Variants in RGR observed in about 807,000 individuals in gnomAD.
The protein encoded by RGR is retinal G protein coupled receptor.
In RGR, 30 loss-of-function variants were observed where a neutral mutation model predicts 28.6. That is an observed-to-expected ratio of 1.05 (90% CI 0.78 to 1.42). The LOEUF (loss-of-function observed/expected upper bound fraction) is 1.42. Among genes scored for constraint, RGR ranks in the 40% most tolerant of loss-of-function variants. The pLI, the probability that RGR is intolerant of heterozygous loss-of-function variation, is 0.00. For missense variants in RGR, 404 were observed against 375.6 expected (o/e 1.08, Z -0.62); for synonymous variants, 180 against 156.4 (o/e 1.15, Z -1.13).
intron 1 of RGR, among the ~76,000 whole-genome samples, chr10:84,246,255 G>T (rs1348089379): frequency 6.6e-6 from 1 of 151,996 alleles, no homozygotes; most frequent in Non-Finnish European, 1.5e-5. Context: ...ATAGCTTTGG[G>T]GATACAAGTG....
intron 3 of RGR, chr10:84,250,401 C>A (rs899331283): frequency 4.2e-6 from 3 of 717,328 alleles, no homozygotes; most frequent in Non-Finnish European, 5.2e-6. Context: ...ATGCTGCCAT[C>A]GGTCTCATCA....
rs1161435099 is a variant in RGR, at chr10:84,252,998, C to T, written c.500C>T (p.Ser167Phe). 6.2e-7 allele frequency: 1 copy of T among 1,613,588 alleles called. No homozygotes were observed. Among genetic ancestry groups the T allele is most frequent in the South Asian group, 1.1e-5 (1 of 91,062 alleles). ...GGGACATGCTGCACCCTGGACTACT[C>T]CAAGGGGGACAGGTGAGGTGGGAGG... is the stretch of plus-strand genomic sequence containing the variant. ...PLGTCCTLDY[S>F]KGDRNFTSFL... The change falls in exon 4 of 7, where the codon TCC (serine) becomes TTC (phenylalanine). Residue 167 changes from serine (S) to phenylalanine (F), a missense_variant. By Grantham distance (155) the Ser-to-Phe change is radical. Transcript: ENST00000652092.
chr10:84,249,747 A>G (rs899226714), intron 3 of RGR, among the ~76,000 whole-genome samples: 1 of 152,258 alleles, frequency 6.6e-6, no homozygotes, highest in Non-Finnish European at 1.5e-5. Context: ...GTAGCTGGGC[A>G]TGTGCCCTGG....
At chr10:84,245,325 G>A (rs1406761606) in intron 1 of RGR, among the ~76,000 whole-genome samples, 156 bp downstream of exon 1, 2 of 152,154 alleles carry the variant, frequency 1.3e-5, no homozygotes, top group African/African-American at 4.8e-5. Flanking sequence ...GACTCGGGGG[G>A]TGTTCTGACA....
At chr10:84,250,110 C>T (rs1487991794) in intron 3 of RGR, among the ~76,000 whole-genome samples, 1 of 152,202 alleles carries the variant, frequency 6.6e-6, no homozygotes, top group Non-Finnish European at 1.5e-5. Context: ...CTTCAGCTCA[C>T]AGCCTCGGAA....
At chr10:84,254,999 A>C (rs1412225980) in intron 5 of RGR, 1 of 165,826 alleles carries the variant, frequency 6.0e-6, no homozygotes, top group Admixed American at 5.6e-5. Context: ...TGGTTGCTCA[A>C]CTTCTGTTTC....
chr10:84,257,500 C>T (rs1033675568), intron 5 of RGR, among the ~76,000 whole-genome samples: 1 of 152,056 alleles, frequency 6.6e-6, no homozygotes, highest in Non-Finnish European at 1.5e-5. Flanking sequence ...GTTGGGAGGC[C>T]GAGGCAGGAG....
intron 2 of RGR, 176 bp downstream of exon 2, chr10:84,247,923 A>G: frequency 2.2e-6 from 2 of 927,372 alleles, no homozygotes; most frequent in East Asian, 2.6e-5. Flanking sequence ...ACGACAGCTG[A>G]TTTCTGGAAG....
rs1445886414 is a variant in RGR at position 84,258,690 on chromosome 10, TG to T, written c.*52del. The T allele has an allele frequency of 1.7e-5, 27 of 1,612,190 alleles. No homozygotes were observed. Among genetic ancestry groups the T allele is most frequent in the Non-Finnish European group, 2.2e-5 (26 of 1,179,398 alleles). On this transcript the variant is annotated 3_prime_UTR_variant, in exon 7 of 7. Coordinates refer to ENST00000652092, the MANE Select transcript of RGR (RefSeq NM_001012720.2). The stretch of plus-strand genomic sequence containing the variant: ...GGCCAGGAGGCTGTTCCAGGAGTCC[TG>T]CCCAGCAGCCTCAGTGGCCAAGCCC...
intron 5 of RGR, chr10:84,255,580 C>T (rs561360661): frequency 1.3e-5 from 2 of 152,308 alleles, no homozygotes; most frequent in Non-Finnish European, 2.9e-5. Context: ...TTACTATTCC[C>T]TTGCCACGGT....
At chr10:84,253,482 A>G (rs1842845227) in intron 4 of RGR, among the ~76,000 whole-genome samples, 1 of 152,164 alleles carries the variant, frequency 6.6e-6, no homozygotes. Flanking sequence ...ATAGGACAGA[A>G]TGCATGAGGG....
At chr10:84,250,659 G>C in intron 3 of RGR, 1 of 543,878 alleles carries the variant, frequency 1.8e-6, no homozygotes, top group Admixed American at 3.0e-5. Flanking sequence ...GAGCATGGCA[G>C]AGCAGTGTGA....
In RGR at chr10:84,247,671, C is replaced by G. The variant is rs756805886; in HGVS notation, c.160C>G (p.Leu54Val). ...TPELRTPCHL[L>V]VLSLALADSG... The stretch of plus-strand genomic sequence containing the variant: ...GGAGCTGCGGACTCCCTGCCACCTA[C>G]TGGTGCTGAGCTTGGCTCTTGCGGA... Residue 54 changes from leucine (L) to valine (V), a missense_variant, in exon 2 of 7, where the codon CTG (leucine) becomes GTG (valine). By Grantham distance (32) the Leu-to-Val change is conservative. Transcript: ENST00000652092. 1 of 1,614,232 alleles carries G rather than the reference C, an allele frequency of 6.2e-7. No individual in the cohort carries two copies. Among genetic ancestry groups the G allele is most frequent in the Non-Finnish European group, 8.5e-7 (1 of 1,180,044 alleles).
intron 3 of RGR, among the ~76,000 whole-genome samples, chr10:84,249,345 C>T (rs1321722214): frequency 1.3e-5 from 2 of 152,140 alleles, no homozygotes; most frequent in Non-Finnish European, 2.9e-5. Flanking sequence ...GACGGAATCG[C>T]TCTATTGCCC....
Position 84,247,573 on chromosome 10 carries a change from C to T in RGR, c.80-18C>T, listed in dbSNP as rs1288071711. On this transcript the variant is annotated intron_variant, in intron 1 of 6. Coordinates refer to ENST00000652092, the MANE Select transcript of RGR (RefSeq NM_001012720.2). ...GGGCCTCAGCAGCCCCAATGCCAGC[C>T]CCCACCCTTCCTTTCAGCTCTCTCC... 1 of 1,614,050 alleles carries T rather than the reference C, an allele frequency of 6.2e-7. No individual in the cohort carries two copies. Among genetic ancestry groups the T allele is most frequent in the Non-Finnish European group, 8.5e-7 (1 of 1,180,028 alleles).
At chr10:84,245,260 T>C (rs771846304) in intron 1 of RGR, 91 bp downstream of exon 1, 125 of 1,296,904 alleles carry the variant, frequency 9.6e-5, no homozygotes, top group Non-Finnish European at 1.2e-4. Flanking sequence ...AGAGGAGAGG[T>C]CCCCAAACCC....
intron 3 of RGR, among the ~76,000 whole-genome samples, chr10:84,249,500 A>C (rs113457374): frequency 6.6e-6 from 1 of 152,082 alleles, no homozygotes; most frequent in African/African-American, 2.4e-5. Context: ...TTTAGTAGAG[A>C]TGGGGTTTCA....
At chr10:84,248,248 T>C (rs1842772430) in intron 2 of RGR, 1 of 1,188,674 alleles carries the variant, frequency 8.4e-7, no homozygotes, top group Non-Finnish European at 1.1e-6. Flanking sequence ...ACCGATGCAG[T>C]GTGGAGAGGA....
chr10:84,247,067 G>A (rs528055740), intron 1 of RGR, among the ~76,000 whole-genome samples: 20 of 152,280 alleles, frequency 1.3e-4, no homozygotes, highest in African/African-American at 4.6e-4. Context: ...AGCAGCAAGC[G>A]AGGCAACCAA....
Sources: allele counts gnomAD v4.1 joint callset (sites outside exome capture counted in the v4.1 genomes callset), GRCh38; gene constraint gnomAD v4.1.1; transcripts MANE v1.5; gene names NCBI Gene and HGNC (gene_info 2026-07-23, HGNC 2026-07-21).